Variants in SKA2 observed in about 807,000 individuals in gnomAD.
SKA2 encodes spindle and kinetochore-associated protein 2.
In SKA2, 13 loss-of-function variants were observed where a neutral mutation model predicts 16.9. That is an observed-to-expected ratio of 0.77 (90% CI 0.50 to 1.22). The LOEUF (loss-of-function observed/expected upper bound fraction) is 1.22, where lower values mean the gene tolerates loss of function less well. Among genes scored for constraint, SKA2 ranks in the 50% most tolerant of loss-of-function variants. SKA2 has a pLI of 0.00. For missense variants in SKA2, 107 were observed against 139.7 expected (o/e 0.77, Z 1.18); for synonymous variants, 47 against 48.5 (o/e 0.97, Z 0.13).
chr17:59,117,371 T>C (rs1298123451), intron 3 of SKA2, among the ~76,000 whole-genome samples: 2 of 152,106 alleles, frequency 1.3e-5, no homozygotes, highest in African/African-American at 4.8e-5. Flanking sequence ...CTCTGAACTT[T>C]CTACTACTAT....
intron 3 of SKA2, among the ~76,000 whole-genome samples, chr17:59,112,559 T>G (rs1485320832): frequency 6.6e-6 from 1 of 152,138 alleles, no homozygotes; most frequent in Non-Finnish European, 1.5e-5. Flanking sequence ...TGCAATTAAG[T>G]TGAAGAAACA....
At chr17:59,125,597 G>A (rs890690651) in intron 2 of SKA2, among the ~76,000 whole-genome samples, 8 of 150,732 alleles carry the variant, frequency 5.3e-5, no homozygotes, top group Non-Finnish European at 7.4e-5. Flanking sequence ...CTACTCGGGA[G>A]GGTGAGGCAG....
chr17:59,113,709 C>T (rs1278388900), intron 3 of SKA2, among the ~76,000 whole-genome samples: 1 of 151,882 alleles, frequency 6.6e-6, no homozygotes, highest in Non-Finnish European at 1.5e-5. Flanking sequence ...ACCTGTAATC[C>T]TAGCTACTCG....
intron 1 of SKA2, among the ~76,000 whole-genome samples, chr17:59,145,329 C>G (rs1367186150): frequency 6.6e-6 from 1 of 152,110 alleles, no homozygotes; most frequent in Non-Finnish European, 1.5e-5. Context: ...ATACTCCTAG[C>G]TCTCCCTCTC....
At chr17:59,132,115 G>A (rs1156481962) in intron 1 of SKA2, among the ~76,000 whole-genome samples, 1 of 152,140 alleles carries the variant, frequency 6.6e-6, no homozygotes, top group Non-Finnish European at 1.5e-5. Flanking sequence ...CAGCACTTTG[G>A]GAGGCCAAGG....
intron 2 of SKA2, among the ~76,000 whole-genome samples, chr17:59,130,116 T>C (rs1054529670): frequency 1.3e-5 from 2 of 151,762 alleles, no homozygotes; most frequent in Admixed American, 1.3e-4. Context: ...GCTAGAACAG[T>C]ACAAACTACA....
At chr17:59,154,494 C>T (rs1179241578) in intron 1 of SKA2, among the ~76,000 whole-genome samples, 1 of 152,230 alleles carries the variant, frequency 6.6e-6, no homozygotes, top group African/African-American at 2.4e-5. Context: ...TGTCTCAATC[C>T]CGCCCGCGCT....
chr17:59,129,591 G>A (rs1272553333), intron 2 of SKA2: 2 of 152,128 alleles, frequency 1.3e-5, no homozygotes, highest in African/African-American at 4.8e-5. Context: ...CAGGTGTGGT[G>A]GCTCACGACT....
At chr17:59,125,954 G>A (rs1237672741) in intron 2 of SKA2, among the ~76,000 whole-genome samples, 1 of 151,976 alleles carries the variant, frequency 6.6e-6, no homozygotes, top group Non-Finnish European at 1.5e-5. Flanking sequence ...GGCGGATCAC[G>A]AGGTCAGGAG....
chr17:59,137,275 C>A (rs2046453031), intron 1 of SKA2, among the ~76,000 whole-genome samples: 1 of 152,178 alleles, frequency 6.6e-6, no homozygotes, highest in African/African-American at 2.4e-5. Flanking sequence ...GCCTTAGCCT[C>A]TCAAAGTGCT....
intron 1 of SKA2, among the ~76,000 whole-genome samples, chr17:59,133,302 T>G (rs1233556039): frequency 6.6e-6 from 1 of 152,192 alleles, no homozygotes; most frequent in Non-Finnish European, 1.5e-5. Context: ...ATCAATGAAT[T>G]ATTCTTAACT....
chr17:59,140,553 A>C (rs2046480408), intron 1 of SKA2, among the ~76,000 whole-genome samples: 1 of 151,254 alleles, frequency 6.6e-6, no homozygotes. Flanking sequence ...TTATGGAACA[A>C]TTGCTAGGAT....
chr17:59,137,733 T>C (rs1253032898), intron 1 of SKA2: 1 of 518,666 alleles, frequency 1.9e-6, no homozygotes, highest in African/African-American at 2.0e-5. Flanking sequence ...GACTTTTGCT[T>C]GTTTCTGCTA....
intron 3 of SKA2, among the ~76,000 whole-genome samples, chr17:59,115,647 G>A (rs1245658816): frequency 1.3e-5 from 2 of 152,194 alleles, no homozygotes; most frequent in Non-Finnish European, 2.9e-5. Context: ...AGGCTGGAGC[G>A]CAGTGGTGCG....
At chr17:59,114,760 G>T (rs1283274044) in intron 3 of SKA2, among the ~76,000 whole-genome samples, 1 of 152,126 alleles carries the variant, frequency 6.6e-6, no homozygotes, top group Non-Finnish European at 1.5e-5. Context: ...CAACAAACAG[G>T]CTGGCTGAAA....
rs1462280714 is a variant in SKA2 at position 59,110,460 on chromosome 17, T to C, written c.*1817A>G. 6.6e-6 allele frequency: 1 copy of C among 152,012 alleles called. No individual in the cohort carries two copies. The highest frequency in any genetic ancestry group is 2.4e-5 in the African/African-American group (1 of 41,388). 9.4% of individuals were successfully genotyped at this position (152,012 alleles called of 1,614,324 possible). On this transcript the variant is annotated 3_prime_UTR_variant, in exon 4 of 4. Transcript: ENST00000330137. Reference sequence around the variant, plus strand: ...TAATTGCCTGAACACTGAAGAAAATTAATATCTGATACTAAGGTGTAACTT... The same window carrying C: ...TAATTGCCTGAACACTGAAGAAAATCAATATCTGATACTAAGGTGTAACTT...
At chr17:59,145,136 T>C (rs2147818019) in intron 1 of SKA2, among the ~76,000 whole-genome samples, 1 of 152,236 alleles carries the variant, frequency 6.6e-6, no homozygotes, top group South Asian at 2.1e-4. Context: ...GTTATGGAGA[T>C]GGATGATGGT....
chr17:59,130,252 T>A (rs2046403222), intron 2 of SKA2, among the ~76,000 whole-genome samples: 1 of 152,018 alleles, frequency 6.6e-6, no homozygotes, highest in Non-Finnish European at 1.5e-5. Flanking sequence ...AAAATTTTTT[T>A]AATTGTATGG....
At chr17:59,154,014 C>T (rs1487453976) in intron 1 of SKA2, among the ~76,000 whole-genome samples, 2 of 151,632 alleles carry the variant, frequency 1.3e-5, no homozygotes, top group African/African-American at 4.8e-5. Context: ...TCTTGATCCG[C>T]CCGCCTCGGC....
Sources: gnomAD v4.1 joint callset for allele counts (sites outside exome capture counted in the v4.1 genomes callset) on GRCh38, gnomAD v4.1.1 for gene constraint, MANE v1.5 for transcripts, NCBI Gene and HGNC (gene_info 2026-07-23, HGNC 2026-07-21) for gene names.